SMYD3: variants seen among roughly 807,000 people sequenced by gnomAD.
SMYD3 encodes the protein histone-lysine N-methyltransferase SMYD3.
Under a neutral mutation model 57.7 loss-of-function variants are expected in SMYD3, and 36 were observed. The ratio of observed to expected loss-of-function variants is 0.62; its 90% CI spans 0.48 to 0.82. The LOEUF (loss-of-function observed/expected upper bound fraction) is 0.82, where lower values mean the gene tolerates loss of function less well. Ranked by LOEUF, SMYD3 falls within the 40% of genes least tolerant of loss-of-function variation. The pLI is 0.00. For synonymous variants in SMYD3, 211 were observed against 195.0 expected (o/e 1.08, Z -0.68); for missense variants, 515 against 538.8 (o/e 0.96, Z 0.44).
chr1:246,167,820 T>A (rs1172459271), intron 5 of SMYD3, among the ~76,000 whole-genome samples: 1 of 152,150 alleles, frequency 6.6e-6, no homozygotes, highest in Non-Finnish European at 1.5e-5. Context: ...CTCATTGTGG[T>A]TTTGATTTGC....
intron 5 of SMYD3, among the ~76,000 whole-genome samples, chr1:246,237,865 GA>G (rs143629155): frequency 1.3e-5 from 2 of 151,724 alleles, no homozygotes; most frequent in Non-Finnish European, 1.5e-5. Flanking sequence ...TGCATTATTA[GA>G]AAAAAATATA....
chr1:245,960,572 C>T (rs1318063657), intron 5 of SMYD3, among the ~76,000 whole-genome samples: 3 of 151,988 alleles, frequency 2.0e-5, no homozygotes, highest in South Asian at 2.1e-4. Flanking sequence ...AAAAAAGACA[C>T]AAAAATTAGT....
At chr1:245,955,367 C>A (rs186676435) in intron 5 of SMYD3, among the ~76,000 whole-genome samples, 6 of 152,068 alleles carry the variant, frequency 3.9e-5, no homozygotes, top group Admixed American at 3.3e-4. Context: ...CATGAGCCAC[C>A]GCGCCTGGCC....
chr1:246,081,049 T>C (rs2060630136), intron 5 of SMYD3, among the ~76,000 whole-genome samples: 1 of 152,176 alleles, frequency 6.6e-6, no homozygotes, highest in South Asian at 2.1e-4. Context: ...TGTTTGATTA[T>C]CATAAACTAT....
chr1:246,102,600 C>T (rs1009619713), intron 5 of SMYD3, among the ~76,000 whole-genome samples: 1 of 152,152 alleles, frequency 6.6e-6, no homozygotes. Flanking sequence ...CCGGCTAGCA[C>T]GTTCTCATCT....
chr1:245,940,604 C>T (rs2057200207), intron 5 of SMYD3, among the ~76,000 whole-genome samples: 2 of 150,748 alleles, frequency 1.3e-5, no homozygotes, highest in African/African-American at 4.8e-5. Flanking sequence ...ACAGAAAGCA[C>T]CACTACCACC....
chr1:246,415,476 G>A (rs1471701611), intron 1 of SMYD3, among the ~76,000 whole-genome samples: 1 of 152,102 alleles, frequency 6.6e-6, no homozygotes. Flanking sequence ...TACTAACAAG[G>A]AAATTGACCC....
At chr1:246,320,753 A>C (rs1004743960) in intron 5 of SMYD3, among the ~76,000 whole-genome samples, 9 of 152,218 alleles carry the variant, frequency 5.9e-5, no homozygotes, top group Non-Finnish European at 1.2e-4. Context: ...TTTTATGTGC[A>C]TAAAAAAAAT....
chr1:245,895,193 C>G (rs1037798528), intron 8 of SMYD3, among the ~76,000 whole-genome samples: 2 of 152,124 alleles, frequency 1.3e-5, no homozygotes, highest in Non-Finnish European at 2.9e-5. Context: ...CTCAAACAGA[C>G]AGTCATTCAC....
At chr1:245,903,979 T>C (rs2054374723) in intron 8 of SMYD3, among the ~76,000 whole-genome samples, 1 of 152,216 alleles carries the variant, frequency 6.6e-6, no homozygotes, top group African/African-American at 2.4e-5. Flanking sequence ...TGGCTCCTTG[T>C]TTCTTATGCA....
At chr1:245,872,652 C>T (rs888697633) in intron 8 of SMYD3, among the ~76,000 whole-genome samples, 3 of 152,232 alleles carry the variant, frequency 2.0e-5, no homozygotes, top group Non-Finnish European at 4.4e-5. Context: ...CAGCTCTGTT[C>T]CATTTCACTT....
At chr1:245,965,793 C>T (rs944260493) in intron 5 of SMYD3, among the ~76,000 whole-genome samples, 5 of 152,140 alleles carry the variant, frequency 3.3e-5, no homozygotes, top group East Asian at 3.9e-4. Flanking sequence ...GTCTGTATGA[C>T]GCTCTAACAG....
chr1:246,418,327 G>A (rs1258898325), intron 1 of SMYD3, among the ~76,000 whole-genome samples: 1 of 152,230 alleles, frequency 6.6e-6, no homozygotes. Flanking sequence ...CTGCCACAGA[G>A]GGAGTGGCTT....
Position 246,501,930 on chromosome 1 carries a change from G to A in SMYD3, c.164+5124C>T, listed in dbSNP as rs1317738855. Among the ~76,000 whole-genome samples, 6 of 152,026 alleles carry A rather than the reference G, an allele frequency of 3.9e-5. No homozygotes were observed. In the South Asian group the frequency reaches 8.3e-4, roughly 21 times the overall value. On this transcript the variant is annotated intron_variant, in intron 1 of 11. Transcript: ENST00000490107. ...GTCACTTAGCAACCACTTCCCTAGC[G>A]GTCCTTAAACTTTTCAATCACCACT...
intron 10 of SMYD3, among the ~76,000 whole-genome samples, chr1:245,853,947 G>A (rs773529730): frequency 2.0e-5 from 3 of 152,138 alleles, no homozygotes; most frequent in Non-Finnish European, 4.4e-5. Flanking sequence ...TCTCCTTGAT[G>A]GAGATTTCAT....
At chr1:246,255,365 T>C (rs2063865528) in intron 5 of SMYD3, among the ~76,000 whole-genome samples, 1 of 151,510 alleles carries the variant, frequency 6.6e-6, no homozygotes, top group Non-Finnish European at 1.5e-5. Context: ...ATGCCTGGTT[T>C]CTTGAGGGTT....
rs1475368925 is a variant in SMYD3, at chr1:245,794,385, G to A, written c.1077-30236C>T. Among the ~76,000 whole-genome samples, 14 of 152,312 alleles carry A rather than the reference G, an allele frequency of 9.2e-5. No individual in the cohort carries two copies. The East Asian group carries it at 2.5e-3, about 27-fold the overall frequency. On this transcript the variant is annotated intron_variant, in intron 10 of 11. Coordinates refer to ENST00000490107, the MANE Select transcript of SMYD3 (RefSeq NM_001167740.2). The stretch of plus-strand genomic sequence containing the variant: ...TGACAATTCTTTGCTTTCGCACATT[G>A]AAGACATTCCACGTGACCTGACGTC...
chr1:245,801,096 T>G (rs1467287656), intron 10 of SMYD3, among the ~76,000 whole-genome samples: 1 of 152,214 alleles, frequency 6.6e-6, no homozygotes, highest in Non-Finnish European at 1.5e-5. Context: ...AAGTCAAGTT[T>G]CTGGTGGACA....
intron 5 of SMYD3, among the ~76,000 whole-genome samples, chr1:246,218,234 A>C (rs183338900): frequency 1.1e-4 from 16 of 152,244 alleles, no homozygotes; most frequent in Non-Finnish European, 5.9e-5. Context: ...CCTGTTAAAA[A>C]AAAAGCCAGT....
Sources: allele counts gnomAD v4.1 joint callset (sites outside exome capture counted in the v4.1 genomes callset), GRCh38; gene constraint gnomAD v4.1.1; transcripts MANE v1.5; gene names NCBI Gene and HGNC (gene_info 2026-07-23, HGNC 2026-07-21).